Variants in ATRNL1 observed in about 807,000 individuals in gnomAD.
The protein encoded by ATRNL1 is attractin like 1, also known as attractin-like protein 1.
In ATRNL1, 95 loss-of-function variants were observed where a neutral mutation model predicts 182.7. That is an observed-to-expected ratio of 0.52 (90% CI 0.44 to 0.62). The LOEUF (loss-of-function observed/expected upper bound fraction) is 0.62, where lower values mean the gene tolerates loss of function less well. Among genes scored for constraint, ATRNL1 ranks in the 20% least tolerant of loss-of-function variants. The pLI, the probability that ATRNL1 is intolerant of heterozygous loss-of-function variation, is 0.00. For missense variants in ATRNL1, 1,471 were observed against 1,679.5 expected (o/e 0.88, Z 2.17); for synonymous variants, 576 against 568.3 (o/e 1.01, Z -0.19).
chr10:115,842,364 GA>G (rs1268277817), intron 27 of ATRNL1, among the ~76,000 whole-genome samples: 2 of 151,824 alleles, frequency 1.3e-5, no homozygotes, highest in African/African-American at 2.4e-5. Context: ...TGAGCAGGAA[GA>G]AAAAAATACT....
chr10:115,244,045 C>T (rs1486174902), intron 10 of ATRNL1, among the ~76,000 whole-genome samples: 1 of 152,006 alleles, frequency 6.6e-6, no homozygotes, highest in East Asian at 1.9e-4. Flanking sequence ...TTGTTTTCCT[C>T]ATGGAGTATG....
intron 9 of ATRNL1, among the ~76,000 whole-genome samples, chr10:115,222,910 G>A (rs1349458254): frequency 6.6e-6 from 1 of 152,128 alleles, no homozygotes; most frequent in African/African-American, 2.4e-5. Flanking sequence ...AATAATAGTG[G>A]CTTGCATATA....
intron 3 of ATRNL1, among the ~76,000 whole-genome samples, chr10:115,122,781 A>G (rs1336391106): frequency 2.0e-5 from 3 of 152,106 alleles, no homozygotes; most frequent in Non-Finnish European, 2.9e-5. Context: ...TATTGCTTAC[A>G]TTTTTGAGTC....
At chr10:115,697,768 C>T (rs1946610725) in intron 26 of ATRNL1, among the ~76,000 whole-genome samples, 1 of 152,154 alleles carries the variant, frequency 6.6e-6, no homozygotes, top group East Asian at 1.9e-4. Context: ...CTTAATGCCT[C>T]TCTTAATGCT....
chr10:115,390,683 A>G (rs1592582415), intron 19 of ATRNL1, among the ~76,000 whole-genome samples: 1 of 152,058 alleles, frequency 6.6e-6, no homozygotes, highest in Admixed American at 6.5e-5. Context: ...TTTCTCTTTC[A>G]GTGAAAAATG....
chr10:115,169,887 T>C (rs187623165), intron 7 of ATRNL1, among the ~76,000 whole-genome samples: 1 of 152,278 alleles, frequency 6.6e-6, no homozygotes, highest in East Asian at 1.9e-4. Flanking sequence ...AAGTATTTTA[T>C]TCTTTTAGAT....
At chr10:115,367,933 C>G (rs1344371029) in intron 19 of ATRNL1, among the ~76,000 whole-genome samples, 1 of 151,138 alleles carries the variant, frequency 6.6e-6, no homozygotes, top group African/African-American at 2.4e-5. Context: ...AGCTGTCAGA[C>G]AGGGACATTT....
At chr10:115,642,657 CT>C (rs1555030868) in intron 26 of ATRNL1, among the ~76,000 whole-genome samples, 1 of 152,094 alleles carries the variant, frequency 6.6e-6, no homozygotes. Context: ...ATTGGCCAGG[CT>C]TGTCTCGAAC....
rs555559555 is a variant in ATRNL1 at position 115,719,080 on chromosome 10, G to T, written c.3796-8168G>T. The stretch of plus-strand genomic sequence containing the variant: ...AACTATCACATTTTTCTACAAATAG[G>T]CTTTTATTTTTTAAAAACGATGAAA... On this transcript the variant is annotated intron_variant, in intron 26 of 28. Transcript: ENST00000355044. Among the ~76,000 whole-genome samples the T allele has an allele frequency of 2.6e-5, 4 of 152,072 alleles. No homozygotes were observed. The South Asian group carries it at 8.3e-4, about 32-fold the overall frequency.
intron 5 of ATRNL1, among the ~76,000 whole-genome samples, chr10:115,156,264 G>T (rs1345176179): frequency 6.6e-6 from 1 of 152,118 alleles, no homozygotes; most frequent in Non-Finnish European, 1.5e-5. Context: ...GTTGTATGGG[G>T]TGCTGGAGAA....
intron 27 of ATRNL1, among the ~76,000 whole-genome samples, chr10:115,749,545 T>A (rs1948389187): frequency 6.6e-6 from 1 of 151,872 alleles, no homozygotes; most frequent in Non-Finnish European, 1.5e-5. Flanking sequence ...TTTTATTTTT[T>A]AATACCACCC....
At chr10:115,829,552 G>A (rs916565947) in intron 27 of ATRNL1, among the ~76,000 whole-genome samples, 2 of 149,370 alleles carry the variant, frequency 1.3e-5, no homozygotes, top group Admixed American at 1.3e-4. Context: ...TCTGCAATGC[G>A]AGCTGAGCAG....
At chr10:115,199,098 T>A (rs1848461232) in intron 8 of ATRNL1, among the ~76,000 whole-genome samples, 1 of 152,130 alleles carries the variant, frequency 6.6e-6, no homozygotes, top group Admixed American at 6.6e-5. Flanking sequence ...GTGGGAAGTA[T>A]GGATATTATA....
At chr10:115,623,585 G>A (rs1857910787) in intron 26 of ATRNL1, among the ~76,000 whole-genome samples, 1 of 151,828 alleles carries the variant, frequency 6.6e-6, no homozygotes, top group Admixed American at 6.6e-5. Flanking sequence ...AGCAATTTAA[G>A]AACTACAAAA....
intron 5 of ATRNL1, among the ~76,000 whole-genome samples, chr10:115,154,533 A>G (rs762065804): frequency 4.6e-5 from 7 of 152,002 alleles, no homozygotes; most frequent in Non-Finnish European, 7.4e-5. Flanking sequence ...TGTTGGTTTA[A>G]AGTCTGTTTT....
intron 25 of ATRNL1, among the ~76,000 whole-genome samples, chr10:115,539,758 A>G (rs375127425): frequency 5.9e-5 from 9 of 152,078 alleles, no homozygotes; most frequent in Non-Finnish European, 8.8e-5. Context: ...AAGAACCACA[A>G]TCCCAAGGGA....
At chr10:115,660,190 T>C (rs1439673156) in intron 26 of ATRNL1, among the ~76,000 whole-genome samples, 1 of 152,036 alleles carries the variant, frequency 6.6e-6, no homozygotes, top group Non-Finnish European at 1.5e-5. Context: ...CAGAGAGATT[T>C]TACAGATAGC....
intron 25 of ATRNL1, among the ~76,000 whole-genome samples, chr10:115,546,591 TA>T (rs1306175471): frequency 6.6e-6 from 1 of 151,744 alleles, no homozygotes; most frequent in Non-Finnish European, 1.5e-5. Flanking sequence ...GTTACACTAT[TA>T]TTCCAGGTAT....
intron 28 of ATRNL1, among the ~76,000 whole-genome samples, chr10:115,848,896 G>T (rs1555099763): frequency 6.6e-6 from 1 of 152,128 alleles, no homozygotes; most frequent in Non-Finnish European, 1.5e-5. Flanking sequence ...CCAGCAAGCT[G>T]GCAAGTTCTC....
Sources: gnomAD v4.1 joint callset for allele counts (sites outside exome capture counted in the v4.1 genomes callset) on GRCh38, gnomAD v4.1.1 for gene constraint, MANE v1.5 for transcripts, NCBI Gene and HGNC (gene_info 2026-07-23, HGNC 2026-07-21) for gene names.